CIZ1: variants seen among roughly 807,000 people sequenced by gnomAD.
CIZ1 encodes cip1-interacting zinc finger protein.
A neutral mutation model predicts 118.6 loss-of-function variants in CIZ1; 58 were observed. That is an observed-to-expected ratio of 0.49 (90% CI 0.40 to 0.61). The LOEUF is 0.61. Among genes scored for constraint, CIZ1 ranks in the 20% least tolerant of loss-of-function variants. CIZ1 has a pLI of 0.00. For missense variants in CIZ1, 921 were observed against 1,115.9 expected, an observed-to-expected ratio of 0.83 and a Z score of 2.49; for synonymous variants, 448 against 443.4, an observed-to-expected ratio of 1.01 and a Z score of -0.13.
At chr9:128,178,678 C>G (rs1335228378) in intron 8 of CIZ1, 31 bp downstream of exon 8, 1 of 1,598,822 alleles carries the variant, frequency 6.3e-7, no homozygotes, top group South Asian at 1.1e-5. Flanking sequence ...TGTCCCATCA[C>G]CAGACCAGCT....
At chr9:128,167,220 C>T (rs1052174395) in intron 14 of CIZ1, 56 bp from the exon 15 acceptor site, 19 of 1,398,594 alleles carry the variant, frequency 1.4e-5, no homozygotes, top group Non-Finnish European at 1.7e-5. Context: ...ACCTCCCAGA[C>T]ACAGGTCGGG....
At chr9:128,192,677 G>A (rs2131037039), upstream of CIZ1, among the ~76,000 whole-genome samples, 1 of 152,298 alleles carries the variant, frequency 6.6e-6, no homozygotes, top group Middle Eastern at 3.4e-3. Context: ...AGAATACCTG[G>A]GACTACAGGC....
Position 128,190,814 on chromosome 9 carries a change from TGCTGCTGTTGCTGGA to T in CIZ1, c.29_43del (p.Leu10_Gln14del). The T allele has an allele frequency of 6.5e-7, 1 of 1,538,062 alleles. No individual in the cohort carries two copies. Among genetic ancestry groups the T allele is most frequent in the Non-Finnish European group, 8.8e-7 (1 of 1,142,126 alleles). ...CTGCTGCTGTAACTGCTGGAGCTGC[TGCTGCTGTTGCTGGA>T]GCTGCTGCTGCTGCTGCTGGCTGAA... On this transcript the variant is annotated inframe_deletion, in exon 2 of 17. Coordinates refer to ENST00000372938, the MANE Select transcript of CIZ1 (RefSeq NM_001131016.2).
intron 2 of CIZ1, 70 bp from the exon 3 acceptor site, chr9:128,190,514 C>A: frequency 7.2e-7 from 1 of 1,388,644 alleles, no homozygotes; most frequent in Non-Finnish European, 1.0e-6. Context: ...CAAGGCTTCT[C>A]ACCTCCATTC....
At chr9:128,184,824 T>C (rs139427094) in intron 5 of CIZ1, among the ~76,000 whole-genome samples, 4,363 of 152,024 alleles carry the variant, frequency 0.029, 96 homozygotes, top group Non-Finnish European at 0.043. Context: ...TGCACCACCA[T>C]GCCCGGCTAC....
Position 128,169,216 on chromosome 9 carries a change from G to A in CIZ1, c.2146-15C>T. On this transcript the variant is annotated splice_polypyrimidine_tract_variant and intron_variant, in intron 13 of 16. Transcript: ENST00000372938. ...AGCGACTTCAGCTGCCCAGGGAGTA[G>A]GCAAGGAGCTCAGGTCAGCTCTGAA... 6.2e-7 allele frequency: 1 copy of A among 1,613,970 alleles called. No individual in the cohort carries two copies. The highest frequency in any genetic ancestry group is 8.5e-7 in the Non-Finnish European group (1 of 1,179,870).
rs45556641 is a variant in CIZ1 at position 128,186,151 on chromosome 9, A to C, written c.359-375T>G. The stretch of plus-strand genomic sequence containing the variant: ...CTGGGATAACAAGACACCCACCCCC[A>C]CCCCTACCAGCTACCCTTTATCAGC... On this transcript the variant is annotated intron_variant, in intron 4 of 16. Coordinates refer to ENST00000372938, the MANE Select transcript of CIZ1 (RefSeq NM_001131016.2). Among the ~76,000 whole-genome samples, 389 of 151,732 alleles carry C rather than the reference A, an allele frequency of 2.6e-3. 2 individuals carry two copies. The highest frequency in any genetic ancestry group is 9.0e-3 in the African/African-American group (371 of 41,370).
In CIZ1 at chr9:128,166,449, C is replaced by A; in HGVS notation, c.2488-43G>T. 7.1e-7 allele frequency: 1 copy of A among 1,417,476 alleles called. No individual in the cohort carries two copies. Among genetic ancestry groups the A allele is most frequent in the Non-Finnish European group, 9.5e-7 (1 of 1,047,302 alleles). 87.8% of individuals were successfully genotyped at this position (1,417,476 alleles called of 1,614,324 possible). A position where few individuals can be genotyped will look rare whatever the true frequency, so the allele number is the denominator to read the frequency against. On this transcript the variant is annotated intron_variant, in intron 16 of 16. Transcript: ENST00000372938. This position sits in a 1 kb window ranked among gnomAD's most constrained non-coding sequence, Gnocchi z 4.4. ...AGGTAAGGTCAGGGTCTCCTCCCTA[C>A]ATGGTATGCTCCTGGCCAGCAGCTA...
Position 128,179,308 on chromosome 9 carries a change from G to C in CIZ1, c.899C>G (p.Pro300Arg). 8.1e-6 allele frequency: 13 copies of C among 1,614,164 alleles called. No homozygotes were observed. Among genetic ancestry groups the C allele is most frequent in the Non-Finnish European group, 1.0e-5 (12 of 1,180,038 alleles). ...PKQTQTPDLL[P>R]EALEAQVLPR... ...CAGCACTTGGGCTTCCAGGGCCTCAGGCAGCAGGTCTGGTGTCTGTGTCTG... is the reference window on the plus strand; with the variant it reads ...CAGCACTTGGGCTTCCAGGGCCTCACGCAGCAGGTCTGGTGTCTGTGTCTG... Residue 300 changes from proline (P) to arginine (R), a missense_variant, in exon 8 of 17, where the codon CCT (proline) becomes CGT (arginine). Transcript: ENST00000372938.
chr9:128,173,847 A>G (rs540380829), intron 11 of CIZ1, among the ~76,000 whole-genome samples: 9 of 152,118 alleles, frequency 5.9e-5, no homozygotes, highest in African/African-American at 1.7e-4. Flanking sequence ...TCTACTAAAA[A>G]TACAAAAAAT....
At position 128,168,838 on chromosome 9, in the gene CIZ1, A is replaced by T. The variant is rs1588114313; in HGVS notation, c.2295+214T>A. ...TTTCCCTTCCTCCACACAGGTCCAA[A>T]TTTCAGTCAGGCTTTGCATATTTTA... On this transcript the variant is annotated intron_variant, in intron 14 of 16. Coordinates refer to ENST00000372938, the MANE Select transcript of CIZ1 (RefSeq NM_001131016.2). 4 of 650,348 alleles carry T rather than the reference A, an allele frequency of 6.2e-6. 1 individual carries two copies. The East Asian group carries it at 1.2e-4, about 20-fold the overall frequency. 40.3% of individuals were successfully genotyped at this position (650,348 alleles called of 1,614,324 possible).
Position 128,174,016 on chromosome 9 carries a change from C to CGAAAA in CIZ1, c.1943+2334_1943+2335insTTTTC, listed in dbSNP as rs1554754798. On this transcript the variant is annotated intron_variant, in intron 11 of 16. Coordinates refer to ENST00000372938, the MANE Select transcript of CIZ1 (RefSeq NM_001131016.2). ...GCGAGACTCCATCTCAAAAACAAAACAAAAAAACAAAAAAAAAAAACAAAG... is the reference window on the plus strand; with the variant it reads ...GCGAGACTCCATCTCAAAAACAAAACGAAAAAAAAAAACAAAAAAAAAAAACAAAG... Among the ~76,000 whole-genome samples, 107 of 73,274 alleles carry CGAAAA rather than the reference C, an allele frequency of 1.5e-3. 2 individuals are homozygous for CGAAAA. The highest frequency in any genetic ancestry group is 3.9e-3 in the African/African-American group (105 of 26,670). 48.1% of individuals were successfully genotyped at this position (73,274 alleles called of 152,430 possible). A position where few individuals can be genotyped will look rare whatever the true frequency, so the allele number is the denominator to read the frequency against.
In CIZ1 at chr9:128,191,257, C is replaced by T. The variant is rs1287104428; in HGVS notation, c.-6+175G>A. The T allele has an allele frequency of 6.1e-5, 14 of 231,244 alleles. No homozygotes were observed. In the East Asian group the frequency reaches 1.4e-3, roughly 24 times the overall value. The allele number at this position is 231,244 out of a possible 1,614,324, so 14.3% of individuals were successfully genotyped here. A position where few individuals can be genotyped will look rare whatever the true frequency, so the allele number is the denominator to read the frequency against. ...CTGGGCCCCCGGGTGTCAATAACATCGGCACCCGTCCAACCCGGTCACCGT... is the reference window on the plus strand; with the variant it reads ...CTGGGCCCCCGGGTGTCAATAACATTGGCACCCGTCCAACCCGGTCACCGT... On this transcript the variant is annotated intron_variant, in intron 1 of 16. Transcript: ENST00000372938. This position sits in a 1 kb window ranked among gnomAD's most constrained non-coding sequence, Gnocchi z 5.5.
chr9:128,199,471 CAGT>C (rs1323121078), intron 1 of CIZ1, among the ~76,000 whole-genome samples: 1 of 152,052 alleles, frequency 6.6e-6, no homozygotes, highest in African/African-American at 2.4e-5. Context: ...GAGGCCAAAA[CAGT>C]AGGATCACTT....
At chr9:128,196,235 C>G (rs908607333), upstream of CIZ1, among the ~76,000 whole-genome samples, 1 of 152,038 alleles carries the variant, frequency 6.6e-6, no homozygotes, top group Non-Finnish European at 1.5e-5. Context: ...GTCTTTACCC[C>G]CCGTTTTTCA....
chr9:128,199,655 C>T (rs909375205), intron 1 of CIZ1, among the ~76,000 whole-genome samples: 3 of 151,700 alleles, frequency 2.0e-5, no homozygotes, highest in East Asian at 1.9e-4. Context: ...CAGGGAGCTG[C>T]GATTGTGCTA....
At chr9:128,190,615 TG>T in intron 2 of CIZ1, 72 bp downstream of exon 2, 1 of 1,508,664 alleles carries the variant, frequency 6.6e-7, no homozygotes, top group Non-Finnish European at 8.9e-7. Context: ...GGAAAAAGGA[TG>T]GGGATCGGGA....
chr9:128,181,696 G>A lies in CIZ1; in HGVS notation c.589-882C>T, dbSNP rs143786187. On this transcript the variant is annotated intron_variant, in intron 5 of 16. Coordinates refer to ENST00000372938, the MANE Select transcript of CIZ1 (RefSeq NM_001131016.2). ...TCTGGGAAGACGCCCGTTACCAGGCGGATCATGGTCCAGCAGTAGCAAAAG... is the reference window on the plus strand; with the variant it reads ...TCTGGGAAGACGCCCGTTACCAGGCAGATCATGGTCCAGCAGTAGCAAAAG... Among the ~76,000 whole-genome samples, 112 of 152,038 alleles carry A rather than the reference G, an allele frequency of 7.4e-4. 1 individual carries two copies. The highest frequency in any genetic ancestry group is 2.5e-3 in the African/African-American group (105 of 41,416).
intron 11 of CIZ1, 75 bp from the exon 12 acceptor site, chr9:128,170,182 G>C: frequency 7.8e-7 from 1 of 1,289,338 alleles, no homozygotes; most frequent in Non-Finnish European, 1.1e-6. Context: ...CTCCATAAGT[G>C]TAATCCATTC....
Sources: allele counts gnomAD v4.1 joint callset (sites outside exome capture counted in the v4.1 genomes callset), GRCh38; gene constraint gnomAD v4.1.1; non-coding constraint Gnocchi (gnomAD v3.1); transcripts MANE v1.5; gene names NCBI Gene and HGNC (gene_info 2026-07-23, HGNC 2026-07-21).